DOCK7: variants seen among roughly 807,000 people sequenced by gnomAD.
DOCK7 encodes the protein dedicator of cytokinesis protein 7.
Under a neutral mutation model 271.0 loss-of-function variants are expected in DOCK7, and 138 were observed. That is an observed-to-expected ratio of 0.51 (90% CI 0.44 to 0.59). The LOEUF (loss-of-function observed/expected upper bound fraction) is 0.59. Ranked by LOEUF, DOCK7 falls within the 20% of genes least tolerant of loss-of-function variation. DOCK7 has a pLI of 0.00. For synonymous variants in DOCK7, 823 were observed against 876.1 expected (o/e 0.94, Z 1.07); for missense variants, 2,066 against 2,592.4 (o/e 0.80, Z 4.41).
At chr1:62,485,600 C>CA (rs1646270047) in intron 43 of DOCK7, 1 of 985,208 alleles carries the variant, frequency 1.0e-6, no homozygotes, top group Non-Finnish European at 1.2e-6. Context: ...TTAGAAAAAA[C>CA]AAAATTACTG....
In DOCK7 at chr1:62,529,379, G is replaced by A. The variant is rs756746649; in HGVS notation, c.3679C>T (p.Pro1227Ser). 9 of 1,613,438 alleles carry A rather than the reference G, an allele frequency of 5.6e-6. No individual in the cohort carries two copies. The Admixed American group carries it at 1.3e-4, about 24-fold the overall frequency. Residue 1227 changes from proline to serine, a missense_variant, in exon 30 of 50, where the codon CCG becomes TCG. Pro to Ser is a moderately conservative substitution (Grantham distance 74). Around this residue, in one of 2 missense-constraint regions of DOCK7, gnomAD observed 1,414 missense variants for 1,670.4 expected, o/e 0.85. Coordinates refer to ENST00000635253, the MANE Select transcript of DOCK7 (RefSeq NM_001367561.1). ...HNLLSSHDSDPRYSDPQIKAR... is the reference protein window; with the variant it reads ...HNLLSSHDSDSRYSDPQIKAR... ...TTTATCTGAGGGTCAGAGTACCGCG[G>A]GTCTGAGTCGTGACTGGAGAGTAAA...
At chr1:62,555,798 A>T in intron 21 of DOCK7, 27 bp downstream of exon 21, 1 of 1,592,082 alleles carries the variant, frequency 6.3e-7, no homozygotes, top group Non-Finnish European at 8.5e-7. Context: ...TATGAAAGAC[A>T]GCTTCATAGT....
At chr1:62,620,883 CAAAAAAAAAAAAA>C (rs767181280) in intron 12 of DOCK7, among the ~76,000 whole-genome samples, 3 of 31,140 alleles carry the variant, frequency 9.6e-5, no homozygotes, top group Middle Eastern at 0.032. Context: ...GACTCCGTCT[CAAAAAAAAAAAAA>C]AAAAAAAAGG....
chr1:62,564,033 T>C (rs1221864434), intron 18 of DOCK7, among the ~76,000 whole-genome samples: 2 of 151,930 alleles, frequency 1.3e-5, no homozygotes, highest in African/African-American at 4.8e-5. Context: ...AACCTAAATA[T>C]ATATGCACCC....
chr1:62,522,695 T>TA (rs540665415), intron 31 of DOCK7, among the ~76,000 whole-genome samples: 2 of 151,912 alleles, frequency 1.3e-5, no homozygotes, highest in Admixed American at 6.6e-5. Context: ...ATTACATATA[T>TA]AAAAAAACTG....
At chr1:62,465,523 T>A (rs952422955) in intron 48 of DOCK7, among the ~76,000 whole-genome samples, 3 of 152,022 alleles carry the variant, frequency 2.0e-5, no homozygotes, top group Non-Finnish European at 4.4e-5. Context: ...ATGAAAACCT[T>A]GCACTTTTTG....
At chr1:62,624,984 A>C in intron 12 of DOCK7, 2 of 220,794 alleles carry the variant, frequency 9.1e-6, no homozygotes, top group Non-Finnish European at 1.8e-5. Context: ...AAAAAAAAAC[A>C]AAAAAAAACA....
chr1:62,606,231 C>T (rs1342715296), intron 14 of DOCK7: 1 of 151,500 alleles, frequency 6.6e-6, no homozygotes, highest in Admixed American at 6.6e-5. Context: ...AAAATGGCTC[C>T]TCTCTTCCCC....
At chr1:62,519,701 A>T (rs984812963) in intron 31 of DOCK7, among the ~76,000 whole-genome samples, 8 of 152,166 alleles carry the variant, frequency 5.3e-5, no homozygotes, top group Non-Finnish European at 1.2e-4. Context: ...GCTAAAAGAG[A>T]GAGAGAAGAT....
At chr1:62,478,142 C>T (rs1646018232) in intron 43 of DOCK7, 1 of 205,000 alleles carries the variant, frequency 4.9e-6, no homozygotes, top group African/African-American at 2.3e-5. Flanking sequence ...TAAATTAACT[C>T]ATTTTCCTTA....
At chr1:62,620,094 C>T (rs1652965936) in intron 12 of DOCK7, 101 bp from the exon 13 acceptor site, 9 of 806,376 alleles carry the variant, frequency 1.1e-5, no homozygotes, top group Admixed American at 2.6e-5. Flanking sequence ...CTGAGGCGGG[C>T]GGATCATATG....
intron 37 of DOCK7, among the ~76,000 whole-genome samples, chr1:62,502,110 T>C (rs1040086657): frequency 2.0e-5 from 3 of 152,264 alleles, no homozygotes; most frequent in Admixed American, 2.0e-4. Context: ...TTCTGGCTAC[T>C]AGATATTCAT....
chr1:62,660,268 A>G (rs1400882671), intron 2 of DOCK7, among the ~76,000 whole-genome samples: 1 of 152,236 alleles, frequency 6.6e-6, no homozygotes, highest in Non-Finnish European at 1.5e-5. Flanking sequence ...CAACAGAAAG[A>G]TAATAGGAAA....
rs557402584 is a variant in DOCK7 at position 62,638,915 on chromosome 1, CT to C, written c.819-2313del. On this transcript the variant is annotated intron_variant, in intron 7 of 49. Transcript: ENST00000635253. ...TAAACATGTAGGTCCTTTTTTAGCT[CT>C]TTTTTTTTAGTTGAAGTAATAAATG... is the stretch of plus-strand genomic sequence containing the variant. 8.7e-5 allele frequency among the ~76,000 whole-genome samples: 13 copies of C among 149,998 alleles called. No homozygotes were observed. In the South Asian group the frequency reaches 1.3e-3, roughly 15 times the overall value.
intron 22 of DOCK7, among the ~76,000 whole-genome samples, chr1:62,546,626 T>C (rs1308017215): frequency 6.6e-6 from 1 of 152,302 alleles, no homozygotes; most frequent in East Asian, 1.9e-4. Flanking sequence ...GCCTTGAATA[T>C]AGTAAACTCT....
At chr1:62,581,575 A>G (rs1302730081) in intron 16 of DOCK7, among the ~76,000 whole-genome samples, 1 of 152,210 alleles carries the variant, frequency 6.6e-6, no homozygotes, top group Non-Finnish European at 1.5e-5. Context: ...TACTAAAAAT[A>G]GAGTTGGAAA....
At position 62,490,898 on chromosome 1, in the gene DOCK7, G is replaced by A. The variant is rs544742136; in HGVS notation, c.5361+1806C>T. Among the ~76,000 whole-genome samples, 37 of 152,192 alleles carry A rather than the reference G, an allele frequency of 2.4e-4. No individual in the cohort carries two copies. In the South Asian group the frequency reaches 6.0e-3, roughly 25 times the overall value. On this transcript the variant is annotated intron_variant, in intron 41 of 49. Coordinates refer to ENST00000635253, the MANE Select transcript of DOCK7 (RefSeq NM_001367561.1). ...GAGGCAAACATTTTAAAAGAGGATC[G>A]ACACCTAATATTTTAACTCTGCAAA... is the stretch of plus-strand genomic sequence containing the variant.
At chr1:62,591,494 GT>G (rs991081086) in intron 14 of DOCK7, among the ~76,000 whole-genome samples, 1 of 151,068 alleles carries the variant, frequency 6.6e-6, no homozygotes, top group Non-Finnish European at 1.5e-5. Context: ...AAACCTAAAA[GT>G]TTAAAAAAAG....
intron 31 of DOCK7, among the ~76,000 whole-genome samples, chr1:62,520,760 C>T (rs1382597895): frequency 5.3e-5 from 8 of 152,204 alleles, no homozygotes; most frequent in African/African-American, 1.7e-4. Flanking sequence ...TGGGTATATA[C>T]CCAAAGGATT....
Sources: gnomAD v4.1 joint callset for allele counts (sites outside exome capture counted in the v4.1 genomes callset) on GRCh38, gnomAD v4.1.1 for gene constraint, gnomAD v4.1.1 regional missense constraint, MANE v1.5 for transcripts, NCBI Gene and HGNC (gene_info 2026-07-23, HGNC 2026-07-21) for gene names.